SLC12A6: variants seen among roughly 807,000 people sequenced by gnomAD.
SLC12A6 encodes solute carrier family 12 member 6.
A neutral mutation model predicts 135.3 loss-of-function variants in SLC12A6; 66 were observed. That is an observed-to-expected ratio of 0.49 (90% CI 0.40 to 0.60). SLC12A6 has a LOEUF of 0.60. SLC12A6 is among the 20% of genes least tolerant of loss of function. The pLI, the probability that SLC12A6 is intolerant of heterozygous loss-of-function variation, is 0.00. For missense variants in SLC12A6, 1,058 were observed against 1,452.3 expected (o/e 0.73, Z 4.41); for synonymous variants, 513 against 508.8 (o/e 1.01, Z -0.11).
At chr15:34,275,496 T>A (rs1278274342) in intron 2 of SLC12A6, 107 bp from the exon 3 acceptor site, 74 of 689,710 alleles carry the variant, frequency 1.1e-4, no homozygotes, top group Non-Finnish European at 1.7e-4. Flanking sequence ...CAAAAAAATT[T>A]AAAAACTTAT....
chr15:34,319,256 C>T (rs1331523810), intron 2 of SLC12A6, among the ~76,000 whole-genome samples: 2 of 151,752 alleles, frequency 1.3e-5, no homozygotes, highest in African/African-American at 4.8e-5. Context: ...CTGCCTCAGC[C>T]TCACGAGTAG....
At chr15:34,239,667 A>G (rs916182195) in intron 19 of SLC12A6, among the ~76,000 whole-genome samples, 1 of 151,998 alleles carries the variant, frequency 6.6e-6, no homozygotes, top group Non-Finnish European at 1.5e-5. Context: ...TTTAATGGTG[A>G]TTATTCATGA....
chr15:34,296,296 C>CA (rs1414537469), intron 2 of SLC12A6, among the ~76,000 whole-genome samples: 1 of 151,910 alleles, frequency 6.6e-6, no homozygotes, highest in Admixed American at 6.6e-5. Context: ...GTAACTTACA[C>CA]ATAGTAACAT....
chr15:34,240,813 A>G lies in SLC12A6; in HGVS notation c.2284T>C (p.Leu762=), dbSNP rs1891588506. The G allele has an allele frequency of 1.2e-6, 2 of 1,613,656 alleles. No individual in the cohort carries two copies. The highest frequency in any genetic ancestry group is 1.7e-6 in the Non-Finnish European group (2 of 1,179,802). ...TKNWRPQLLV[L]LKLDEDLHVK... The stretch of plus-strand genomic sequence containing the variant: ...TGTAAGTCTTCATCTAGTTTCAGTA[A>G]TACAAGCAACTGAGGCCTGTGAAGA... The change falls in exon 19 of 26, where the codon TTA becomes CTA. Residue 762 remains leucine, a synonymous_variant. Coordinates refer to ENST00000354181, the MANE Select transcript of SLC12A6 (RefSeq NM_001365088.1).
rs540959651 is a variant in SLC12A6 at position 34,240,600 on chromosome 15, T to C, written c.2436+61A>G. ...AGATTCAAGTAGAAGTTTGAGGTCTTACTACTTAACATCACAAAGCTGTAA... is the reference window on the plus strand; with the variant it reads ...AGATTCAAGTAGAAGTTTGAGGTCTCACTACTTAACATCACAAAGCTGTAA... On this transcript the variant is annotated intron_variant, in intron 19 of 25. Coordinates refer to ENST00000354181, the MANE Select transcript of SLC12A6 (RefSeq NM_001365088.1). The C allele has an allele frequency of 4.3e-6, 6 of 1,397,266 alleles. No homozygotes were observed. In the East Asian group the frequency reaches 1.4e-4, roughly 32 times the overall value. The allele number at this position is 1,397,266 out of a possible 1,614,324, so 86.6% of individuals were successfully genotyped here. A position where few individuals can be genotyped will look rare whatever the true frequency, so the allele number is the denominator to read the frequency against.
At chr15:34,318,210 A>G (rs1888787471) in intron 2 of SLC12A6, among the ~76,000 whole-genome samples, 2 of 152,222 alleles carry the variant, frequency 1.3e-5, no homozygotes, top group African/African-American at 4.8e-5. Context: ...GGTGGGTTTA[A>G]AGTCTTTTCC....
chr15:34,287,142 AC>A (rs897666340), intron 2 of SLC12A6, among the ~76,000 whole-genome samples: 4 of 149,730 alleles, frequency 2.7e-5, no homozygotes, highest in African/African-American at 4.9e-5. Context: ...TCCCTTCCCT[AC>A]CCCCCCGGGC....
At position 34,245,847 on chromosome 15, in the gene SLC12A6, C is replaced by T; in HGVS notation, c.1670G>A (p.Gly557Asp). 4 of 1,612,964 alleles carry T rather than the reference C, an allele frequency of 2.5e-6. No individual in the cohort carries two copies. The highest frequency in any genetic ancestry group is 3.4e-6 in the Non-Finnish European group (4 of 1,179,038). The change falls in exon 14 of 26, where the codon GGT (glycine) becomes GAT (aspartate). Residue 557 changes from glycine to aspartate, a missense_variant. Gly to Asp is a moderately conservative substitution (Grantham distance 94). This residue lies in a region of SLC12A6 where 170 missense variants were observed against 297.6 expected (regional missense o/e 0.57). Coordinates refer to ENST00000354181, the MANE Select transcript of SLC12A6 (RefSeq NM_001365088.1). ...AGATAAGGTGCCTACCACCAAATTA[C>T]CTTTCACAGCATCACCGAACCTGGG... The part of the protein sequence containing the change: ...LRDKFGDAVK[G>D]NLVVGTLSWP...
chr15:34,313,080 C>A (rs950606552), intron 2 of SLC12A6, among the ~76,000 whole-genome samples: 3 of 152,172 alleles, frequency 2.0e-5, no homozygotes, highest in Non-Finnish European at 2.9e-5. Context: ...AGTTAATAAA[C>A]CCACATTGGC....
chr15:34,246,327 T>C (rs1369138849), intron 13 of SLC12A6, among the ~76,000 whole-genome samples: 2 of 152,182 alleles, frequency 1.3e-5, no homozygotes, highest in South Asian at 2.1e-4. Flanking sequence ...AACGGCACTA[T>C]TGACCTATAT....
chr15:34,284,633 C>G (rs533691803), intron 2 of SLC12A6, among the ~76,000 whole-genome samples: 72 of 152,208 alleles, frequency 4.7e-4, no homozygotes, highest in African/African-American at 1.6e-3. Context: ...TTCTGAGAAC[C>G]TTCTACATGT....
chr15:34,320,603 ATT>A (rs10543386), intron 2 of SLC12A6, among the ~76,000 whole-genome samples: 40,339 of 144,860 alleles, frequency 0.28, 5,537 homozygotes, highest in South Asian at 0.38. Context: ...GGAATAAACA[ATT>A]TTTTTTTTTT....
At chr15:34,243,036 G>A (rs1279883188) in intron 16 of SLC12A6, among the ~76,000 whole-genome samples, 4 of 152,240 alleles carry the variant, frequency 2.6e-5, no homozygotes, top group Admixed American at 2.6e-4. Context: ...TGGGATTACA[G>A]GCATGTGCCA....
At chr15:34,261,489 G>A (rs941090897) in intron 3 of SLC12A6, among the ~76,000 whole-genome samples, 1 of 152,076 alleles carries the variant, frequency 6.6e-6, no homozygotes, top group African/African-American at 2.4e-5. Context: ...ATAGAGATAG[G>A]GGTTCACCAC....
chr15:34,282,005 A>G (rs1248797017), intron 2 of SLC12A6, among the ~76,000 whole-genome samples: 1 of 152,170 alleles, frequency 6.6e-6, no homozygotes, highest in African/African-American at 2.4e-5. Flanking sequence ...AAAAATAGCT[A>G]AAGATCATTA....
At chr15:34,322,306 G>A (rs1889148234) in intron 2 of SLC12A6, among the ~76,000 whole-genome samples, 1 of 151,696 alleles carries the variant, frequency 6.6e-6, no homozygotes, top group Non-Finnish European at 1.5e-5. Context: ...ACTTGAACCC[G>A]GGAGGCAGAG....
intron 2 of SLC12A6, among the ~76,000 whole-genome samples, chr15:34,316,128 A>C (rs1056607325): frequency 6.7e-6 from 1 of 149,086 alleles, no homozygotes; most frequent in African/African-American, 2.4e-5. Context: ...ATATTTAAAA[A>C]ACACATTTTA....
At chr15:34,262,116 G>A (rs1428246981) in intron 3 of SLC12A6, among the ~76,000 whole-genome samples, 1 of 152,142 alleles carries the variant, frequency 6.6e-6, no homozygotes, top group Admixed American at 6.5e-5. Flanking sequence ...CTAGCTACAA[G>A]TCCTGGATAA....
At chr15:34,336,882 T>C (rs957953095) in intron 1 of SLC12A6, 130 bp from the exon 2 acceptor site, 10 of 608,570 alleles carry the variant, frequency 1.6e-5, no homozygotes, top group Non-Finnish European at 2.6e-5. Context: ...GCATCACCAA[T>C]AGGTGAATAT....
Sources: allele counts gnomAD v4.1 joint callset (sites outside exome capture counted in the v4.1 genomes callset), GRCh38; gene constraint gnomAD v4.1.1; regional missense constraint gnomAD v4.1.1; transcripts MANE v1.5; gene names NCBI Gene and HGNC (gene_info 2026-07-23, HGNC 2026-07-21).